Variants in ELP4 observed in about 807,000 individuals in gnomAD.
ELP4 encodes the protein elongator complex protein 4.
Under a neutral mutation model 48.9 loss-of-function variants are expected in ELP4, and 51 were observed. The ratio of observed to expected loss-of-function variants is 1.04; its 90% CI spans 0.83 to 1.32. ELP4 has a LOEUF of 1.32. Among genes scored for constraint, ELP4 ranks in the 40% most tolerant of loss-of-function variants. ELP4 has a pLI of 0.00. For synonymous variants in ELP4, 210 were observed against 189.2 expected (o/e 1.11, Z -0.90); for missense variants, 519 against 514.6 (o/e 1.01, Z -0.08).
At chr11:31,669,558 T>G (rs1355649313) in intron 9 of ELP4, among the ~76,000 whole-genome samples, 2 of 152,188 alleles carry the variant, frequency 1.3e-5, no homozygotes, top group Non-Finnish European at 2.9e-5. Flanking sequence ...TATTGTAGCA[T>G]CTACAACATT....
At chr11:31,746,144 T>C (rs1050040480) in intron 9 of ELP4, among the ~76,000 whole-genome samples, 2 of 152,154 alleles carry the variant, frequency 1.3e-5, no homozygotes, top group African/African-American at 2.4e-5. Context: ...AAAATGCTCA[T>C]CATCACTGGC....
At chr11:31,762,738 A>T (rs915485145) in intron 9 of ELP4, among the ~76,000 whole-genome samples, 2 of 151,668 alleles carry the variant, frequency 1.3e-5, no homozygotes, top group African/African-American at 4.8e-5. Context: ...TTAATTTGCC[A>T]TATAGTTTAT....
At chr11:31,595,819 G>T (rs1225302533) in intron 4 of ELP4, among the ~76,000 whole-genome samples, 1 of 152,144 alleles carries the variant, frequency 6.6e-6, no homozygotes, top group Non-Finnish European at 1.5e-5. Flanking sequence ...GATATTATAA[G>T]CTCGCAATAT....
At chr11:31,595,950 T>G (rs1277624473) in intron 4 of ELP4, among the ~76,000 whole-genome samples, 1 of 152,206 alleles carries the variant, frequency 6.6e-6, no homozygotes, top group Non-Finnish European at 1.5e-5. Flanking sequence ...TGAGAATTGC[T>G]TCTTATAAAT....
rs1005522357 is a variant in ELP4 at position 31,594,974 on chromosome 11, A to G, written c.513+73A>G. On this transcript the variant is annotated intron_variant, in intron 4 of 9. Transcript: ENST00000640961. ...TTCATCTTACAGAATCTCTTGTGGTATGCCTATATGTGTATTTGTTTATTT... is the reference window on the plus strand; with the variant it reads ...TTCATCTTACAGAATCTCTTGTGGTGTGCCTATATGTGTATTTGTTTATTT... 2.5e-6 allele frequency: 3 copies of G among 1,216,102 alleles called. No individual in the cohort carries two copies. The African/African-American group carries it at 4.8e-5, about 19-fold the overall frequency. The allele number at this position is 1,216,102 out of a possible 1,614,324, so 75.3% of individuals were successfully genotyped here. A position where few individuals can be genotyped will look rare whatever the true frequency, so the allele number is the denominator to read the frequency against.
intron 4 of ELP4, among the ~76,000 whole-genome samples, chr11:31,595,391 A>G (rs1171949075): frequency 6.6e-6 from 1 of 151,926 alleles, no homozygotes; most frequent in Admixed American, 6.6e-5. Flanking sequence ...AAACTCATGA[A>G]CTCTATTCCT....
intron 9 of ELP4, among the ~76,000 whole-genome samples, chr11:31,691,239 GT>G (rs1158598382): frequency 2.0e-5 from 3 of 151,996 alleles, no homozygotes; most frequent in African/African-American, 7.2e-5. Flanking sequence ...ATCTCGGATA[GT>G]ACTATGGTAA....
chr11:31,619,069 G>A (rs1443694610), intron 5 of ELP4, among the ~76,000 whole-genome samples: 1 of 151,992 alleles, frequency 6.6e-6, no homozygotes, highest in African/African-American at 2.4e-5. Flanking sequence ...AAATTTAAGG[G>A]GTTTGGTGCA....
intron 9 of ELP4, among the ~76,000 whole-genome samples, chr11:31,734,369 T>C (rs1295654885): frequency 6.6e-6 from 1 of 152,116 alleles, no homozygotes; most frequent in African/African-American, 2.4e-5. Context: ...CCAGAACAAC[T>C]AGGCAATAGA....
intron 9 of ELP4, among the ~76,000 whole-genome samples, chr11:31,679,408 G>C (rs1022274747): frequency 1.3e-5 from 2 of 152,106 alleles, no homozygotes; most frequent in Admixed American, 6.5e-5. Context: ...TTTTCTTACA[G>C]TTCTGGAGGT....
chr11:31,660,943 G>A (rs1297266169), intron 9 of ELP4, among the ~76,000 whole-genome samples: 1 of 151,896 alleles, frequency 6.6e-6, no homozygotes, highest in African/African-American at 2.4e-5. Flanking sequence ...ATAATGATCT[G>A]TACTAAATAC....
intron 9 of ELP4, among the ~76,000 whole-genome samples, chr11:31,693,091 C>T (rs1382532279): frequency 6.6e-6 from 1 of 152,040 alleles, no homozygotes; most frequent in Non-Finnish European, 1.5e-5. Flanking sequence ...AAGCAAGGGA[C>T]GTAGACTCTC....
intron 9 of ELP4, chr11:31,662,550 G>T: frequency 2.5e-6 from 1 of 397,666 alleles, no homozygotes; most frequent in South Asian, 1.3e-4. Flanking sequence ...GAGATCTTAC[G>T]ACCTGCGAAG....
chr11:31,539,875 A>T, intron 3 of ELP4, 92 bp downstream of exon 3: 17 of 1,064,026 alleles, frequency 1.6e-5, no homozygotes, highest in Non-Finnish European at 2.0e-5. Context: ...TTGTATATAT[A>T]CAAACTATAT....
At chr11:31,682,849 A>G (rs1946082103) in intron 9 of ELP4, among the ~76,000 whole-genome samples, 1 of 152,176 alleles carries the variant, frequency 6.6e-6, no homozygotes, top group African/African-American at 2.4e-5. Context: ...CTTGAAAGTC[A>G]TTTGGACTAT....
rs142283960 is a variant in ELP4, at chr11:31,567,692, A to G, written c.382-27078A>G. On this transcript the variant is annotated intron_variant, in intron 3 of 9. Coordinates refer to ENST00000640961, the MANE Select transcript of ELP4 (RefSeq NM_019040.5). ...TGCAGGTTTGATTCCACACCACCACAATAAAGTGAGTCACTTTTTTTATTT... is the reference window on the plus strand; with the variant it reads ...TGCAGGTTTGATTCCACACCACCACGATAAAGTGAGTCACTTTTTTTATTT... Among the ~76,000 whole-genome samples the G allele has an allele frequency of 5.6e-3, 856 of 152,344 alleles. 11 individuals are homozygous for G. Among genetic ancestry groups the G allele is most frequent in the African/African-American group, 0.02 (826 of 41,582 alleles).
intron 9 of ELP4, among the ~76,000 whole-genome samples, chr11:31,742,722 G>A (rs190397977): frequency 1.3e-5 from 2 of 152,242 alleles, no homozygotes; most frequent in East Asian, 3.9e-4. Flanking sequence ...TCACCACCAG[G>A]CCTGCCCTAA....
At chr11:31,549,439 A>G (rs1245438268) in intron 3 of ELP4, among the ~76,000 whole-genome samples, 7 of 152,228 alleles carry the variant, frequency 4.6e-5, no homozygotes, top group Non-Finnish European at 1.0e-4. Context: ...ACAATGAGAT[A>G]TCATCTCACA....
chr11:31,525,433 A>T (rs559949634), intron 2 of ELP4, among the ~76,000 whole-genome samples: 190 of 152,336 alleles, frequency 1.2e-3, no homozygotes, highest in African/African-American at 4.4e-3. Flanking sequence ...TGAACAGTAC[A>T]TATATAACAT....
Sources: gnomAD v4.1 joint callset for allele counts (sites outside exome capture counted in the v4.1 genomes callset) on GRCh38, gnomAD v4.1.1 for gene constraint, MANE v1.5 for transcripts, NCBI Gene and HGNC (gene_info 2026-07-23, HGNC 2026-07-21) for gene names.